Variants in SZT2 observed in about 807,000 individuals in gnomAD.
SZT2 encodes SZT2 subunit of KICSTOR complex, also known as KICSTOR complex protein SZT2.
Under a neutral mutation model 404.2 loss-of-function variants are expected in SZT2, and 216 were observed. That is an observed-to-expected ratio of 0.53 (90% confidence interval 0.48 to 0.60). The LOEUF (loss-of-function observed/expected upper bound fraction) is 0.60, where lower values mean the gene tolerates loss of function less well. SZT2 is among the 20% of genes least tolerant of loss of function. SZT2 has a pLI of 0.00. For synonymous variants in SZT2, 1,693 were observed against 1,749.9 expected (o/e 0.97, Z 0.81); for missense variants, 3,857 against 4,459.2 (o/e 0.86, Z 3.85).
intron 42 of SZT2, chr1:43,436,139 T>C (rs1184021225): frequency 1.3e-5 from 2 of 152,240 alleles, no homozygotes; most frequent in Non-Finnish European, 2.9e-5. Context: ...CCCAGACGGA[T>C]AGAGGAAAAG....
At chr1:43,406,341 A>G (rs1323033347) in intron 4 of SZT2, 1 of 217,174 alleles carries the variant, frequency 4.6e-6, no homozygotes, top group Non-Finnish European at 9.7e-6. Flanking sequence ...CAAGTGATCC[A>G]CCTGCCTCAG....
At chr1:43,419,303 G>A (rs975526611) in intron 7 of SZT2, among the ~76,000 whole-genome samples, 3 of 152,236 alleles carry the variant, frequency 2.0e-5, no homozygotes, top group Non-Finnish European at 4.4e-5. Flanking sequence ...GTAGTCCACA[G>A]ACCAGCAGAA....
At chr1:43,446,109 A>G in intron 63 of SZT2, 70 bp from the exon 64 acceptor site, 5 of 1,602,242 alleles carry the variant, frequency 3.1e-6, no homozygotes, top group East Asian at 2.2e-5. Context: ...GTCAGGGTCC[A>G]AGGGACTTCC....
In SZT2 at chr1:43,452,461, G is replaced by C. The variant is rs1388110106; in HGVS notation, c.*1981G>C. 1 of 732,960 alleles carries C rather than the reference G, an allele frequency of 1.4e-6. No homozygotes were observed. The highest frequency in any genetic ancestry group is 2.7e-5 in the East Asian group (1 of 37,174). The allele number at this position is 732,960 out of a possible 1,614,324, so 45.4% of individuals were successfully genotyped here. ...TGGGTCACGATGCCCAGGTATCCCAGCACTTTCAGAGACACTTCAGTGATG... is the reference window on the plus strand; with the variant it reads ...TGGGTCACGATGCCCAGGTATCCCACCACTTTCAGAGACACTTCAGTGATG... On this transcript the variant is annotated 3_prime_UTR_variant, in exon 72 of 72. Coordinates refer to ENST00000634258, the MANE Select transcript of SZT2 (RefSeq NM_001365999.1).
intron 15 of SZT2, among the ~76,000 whole-genome samples, 155 bp downstream of exon 15, chr1:43,423,471 TAGC>T (rs1455417877): frequency 8.1e-6 from 1 of 123,746 alleles, no homozygotes; most frequent in African/African-American, 2.8e-5. Context: ...GGGTGTGGCT[TAGC>T]GGGGTGAGGT....
intron 42 of SZT2, 58 bp downstream of exon 42, chr1:43,435,387 C>A: frequency 6.3e-7 from 1 of 1,595,948 alleles, no homozygotes; most frequent in South Asian, 1.1e-5. Context: ...TTTCTTTTAC[C>A]GAATACTCTG....
At chr1:43,400,575 T>TA (rs1557507692) in intron 1 of SZT2, among the ~76,000 whole-genome samples, 1 of 152,102 alleles carries the variant, frequency 6.6e-6, no homozygotes, top group Non-Finnish European at 1.5e-5. Flanking sequence ...CTTACTTAGG[T>TA]AAAAAACTTG....
chr1:43,436,782 T>C (rs528413926), intron 42 of SZT2: 10 of 209,988 alleles, frequency 4.8e-5, no homozygotes, highest in Non-Finnish European at 9.6e-5. Context: ...TAAGCAGCCA[T>C]ACCCTTTTGG....
Position 43,432,818 on chromosome 1 carries a change from G to A in SZT2, c.5602+19G>A. The A allele has an allele frequency of 5.6e-6, 9 of 1,613,266 alleles. No individual in the cohort carries two copies. The highest frequency in any genetic ancestry group is 7.6e-6 in the Non-Finnish European group (9 of 1,179,504). Reference sequence around the variant, plus strand: ...CACCTAGGTAAGCTGGGGGGACGGGGTGAAGGACTCTAAGCTGATGGGAGG... The same window carrying A: ...CACCTAGGTAAGCTGGGGGGACGGGATGAAGGACTCTAAGCTGATGGGAGG... On this transcript the variant is annotated intron_variant, in intron 39 of 71. Coordinates refer to ENST00000634258, the MANE Select transcript of SZT2 (RefSeq NM_001365999.1).
At position 43,450,277 on chromosome 1, in the gene SZT2, GCCT is replaced by G. The variant is rs1656235599; in HGVS notation, c.10156-56_10156-54del. 4 of 1,613,654 alleles carry G rather than the reference GCCT, an allele frequency of 2.5e-6. No individual in the cohort carries two copies. The highest frequency in any genetic ancestry group is 3.4e-6 in the Non-Finnish European group (4 of 1,179,652). Reference sequence around the variant, plus strand: ...GGGGTGCCCACCCTTTCTGAGCCCTGCCTCCTATCCCCACCCATGCCCTCCTCT... The same window carrying G: ...GGGGTGCCCACCCTTTCTGAGCCCTGCCTATCCCCACCCATGCCCTCCTCT... On this transcript the variant is annotated intron_variant, in intron 71 of 71. Coordinates refer to ENST00000634258, the MANE Select transcript of SZT2 (RefSeq NM_001365999.1). This position sits in a 1 kb window ranked among gnomAD's most constrained non-coding sequence, Gnocchi z 4.3.
chr1:43,426,139 T>C lies in SZT2; in HGVS notation c.3031T>C (p.Leu1011=), dbSNP rs766154420. ...CCAGCAGCTCCAGATGTTCTTCCTC[T>C]TGCTTGCCAGAGGTAGGTGAACCTG... ...QCQQLQMFFL[L]LAREPEGVPF... Residue 1011 remains leucine, a synonymous_variant, in exon 21 of 72, where the codon TTG becomes CTG. Coordinates refer to ENST00000634258, the MANE Select transcript of SZT2 (RefSeq NM_001365999.1). The surrounding 1 kb of genome is among the most constrained non-coding windows in gnomAD (Gnocchi z 4.9). 1 of 1,614,166 alleles carries C rather than the reference T, an allele frequency of 6.2e-7. No individual in the cohort carries two copies. Among genetic ancestry groups the C allele is most frequent in the South Asian group, 1.1e-5 (1 of 91,068 alleles).
At chr1:43,396,817 AAAG>A (rs1649050972) in intron 1 of SZT2, among the ~76,000 whole-genome samples, 1 of 152,242 alleles carries the variant, frequency 6.6e-6, no homozygotes, top group African/African-American at 2.4e-5. Context: ...CAGGAACAAT[AAAG>A]AAGAAGATAC....
At chr1:43,403,921 A>G in intron 3 of SZT2, 147 bp downstream of exon 3, 1 of 899,592 alleles carries the variant, frequency 1.1e-6, no homozygotes, top group Non-Finnish European at 1.7e-6. Flanking sequence ...GTTTAAAAAG[A>G]GCACTGGGCC....
At position 43,422,133 on chromosome 1, in the gene SZT2, T is replaced by G. The variant is rs776917639; in HGVS notation, c.1677T>G (p.Ala559=). The change falls in exon 12 of 72, where the codon GCT becomes GCG. Residue 559 remains alanine (A), a synonymous_variant. Transcript: ENST00000634258. ...SGSDSSHAQF[A]AYWKPVLSMD... ...CTGACTCATCCCATGCCCAGTTTGCTGCCTACTGGAAGCCAGTGCTGTCCA... is the reference window on the plus strand; with the variant it reads ...CTGACTCATCCCATGCCCAGTTTGCGGCCTACTGGAAGCCAGTGCTGTCCA... 6.3e-7 allele frequency: 1 copy of G among 1,598,018 alleles called. No homozygotes were observed. The highest frequency in any genetic ancestry group is 8.5e-7 in the Non-Finnish European group (1 of 1,179,500).
At position 43,426,972 on chromosome 1, in the gene SZT2, A is replaced by T. The variant is rs1653227968; in HGVS notation, c.3310-84A>T. The T allele has an allele frequency of 2.5e-6, 4 of 1,587,656 alleles. No homozygotes were observed. The Admixed American group carries it at 5.1e-5, about 20-fold the overall frequency. On this transcript the variant is annotated intron_variant, in intron 23 of 71. Coordinates refer to ENST00000634258, the MANE Select transcript of SZT2 (RefSeq NM_001365999.1). This position sits in a 1 kb window ranked among gnomAD's most constrained non-coding sequence, Gnocchi z 4.9. ...CTGGATCTTTCAAGCTATACCTAAGATGAGTCAGCTCTAGGGTGGAGGAGG... is the reference window on the plus strand; with the variant it reads ...CTGGATCTTTCAAGCTATACCTAAGTTGAGTCAGCTCTAGGGTGGAGGAGG...
In SZT2 at chr1:43,441,320, T is replaced by A; in HGVS notation, c.7451T>A (p.Val2484Asp). 1.2e-6 allele frequency: 2 copies of A among 1,614,186 alleles called. No individual in the cohort carries two copies. Among genetic ancestry groups the A allele is most frequent in the Non-Finnish European group, 1.7e-6 (2 of 1,180,030 alleles). Residue 2484 changes from valine to aspartate, a missense_variant, in exon 53 of 72, where the codon GTT becomes GAT. Coordinates refer to ENST00000634258, the MANE Select transcript of SZT2 (RefSeq NM_001365999.1). This position sits in a 1 kb window ranked among gnomAD's most constrained non-coding sequence, Gnocchi z 4.8. ...RGRRRHKTESVRTPGGAERAP... is the reference protein window; with the variant it reads ...RGRRRHKTESDRTPGGAERAP... ...CGGAGGCGTCACAAAACCGAGAGTG[T>A]TCGGACTCCTGGTGGAGCTGAGCGG...
rs528632095 is a variant in SZT2, at chr1:43,439,115, T to TCCA, written c.6792+24_6792+26dup. The TCCA allele has an allele frequency of 1.1e-4, 179 of 1,613,878 alleles. No homozygotes were observed. The East Asian group carries it at 3.7e-3, about 34-fold the overall frequency. ...CCAAGTGAGATGGCACTCATCTCTC[T>TCCA]CCACACTCATGTGCACCCCTGCCCC... On this transcript the variant is annotated intron_variant, in intron 48 of 71. Coordinates refer to ENST00000634258, the MANE Select transcript of SZT2 (RefSeq NM_001365999.1). The surrounding 1 kb of genome is among the most constrained non-coding windows in gnomAD (Gnocchi z 4.2).
intron 65 of SZT2, chr1:43,446,657 C>T: frequency 1.6e-6 from 1 of 625,918 alleles, no homozygotes; most frequent in Non-Finnish European, 2.8e-6. Flanking sequence ...AGCACAGTGC[C>T]TGGTCTGGCC....
Position 43,424,143 on chromosome 1 carries a change from TGG to T in SZT2, c.2256-73_2256-72del, listed in dbSNP as rs1652854024. ...AGGGCGTGGCTTAGCCAGCTGTGAG[TGG>T]TACAGAGGTGTGGAAGGGCGTGGCT... On this transcript the variant is annotated intron_variant, in intron 15 of 71. Coordinates refer to ENST00000634258, the MANE Select transcript of SZT2 (RefSeq NM_001365999.1). This position sits in a 1 kb window ranked among gnomAD's most constrained non-coding sequence, Gnocchi z 4.1. The T allele has an allele frequency of 1.5e-6, 2 of 1,300,562 alleles. No individual in the cohort carries two copies. The highest frequency in any genetic ancestry group is 1.1e-6 in the Non-Finnish European group (1 of 941,856). The allele number at this position is 1,300,562 out of a possible 1,614,324, so 80.6% of individuals were successfully genotyped here.
Sources: gnomAD v4.1 joint callset for allele counts (sites outside exome capture counted in the v4.1 genomes callset) on GRCh38, gnomAD v4.1.1 for gene constraint, Gnocchi (gnomAD v3.1) non-coding constraint, MANE v1.5 for transcripts, NCBI Gene and HGNC (gene_info 2026-07-23, HGNC 2026-07-21) for gene names.